The following CCNG1 variants were observed in gnomAD, a reference collection of about 807,000 sequenced individuals.
CCNG1 encodes cyclin-G1.
Under a neutral mutation model 30.0 loss-of-function variants are expected in CCNG1, and 13 were observed. That is an observed-to-expected ratio of 0.43 (90% confidence interval 0.28 to 0.69). The LOEUF is 0.69. Ranked by LOEUF, CCNG1 falls within the 30% of genes least tolerant of loss-of-function variation. The probability of loss-of-function intolerance (pLI) is 0.16; values close to 1 mark genes in which losing one functional copy is unlikely to be tolerated. For synonymous variants in CCNG1, 110 were observed against 121.5 expected (o/e 0.91, Z 0.62); for missense variants, 285 against 331.4 (o/e 0.86, Z 1.09).
At chr5:163,456,758 G>A in the CCNG1 span, among the ~76,000 whole-genome samples, 967 of 152,138 alleles carry the variant, frequency 6.4e-3, 10 homozygotes, top group African/African-American at 0.022. Flanking sequence ...AAAATCTTCC[G>A]AAAAATCAAA....
rs2069352 is a variant in CCNG1 at position 163,441,899 on chromosome 5, A to C, written c.532A>C (p.Asn178His). The change falls in exon 4 of 7, where the codon AAT becomes CAT. Residue 178 changes from asparagine (N) to histidine (H), a missense_variant. Asn to His is a moderately conservative substitution (Grantham distance 68, BLOSUM62 1). Transcript: ENST00000340828. ...TTCTTTTTAAAGGAGAAATAGCATT[A>C]ATTTTGAAAGACTAGAAGCTCAACT... ...NLPLERRNSINFERLEAQLKA... is the reference protein window; with the variant it reads ...NLPLERRNSIHFERLEAQLKA... 1.0e-2 allele frequency: 15,909 copies of C among 1,596,944 alleles called. 85 individuals are homozygous for C. The highest frequency in any genetic ancestry group is 0.012 in the Non-Finnish European group (13,661 of 1,164,966).
intron 2 of CCNG1, among the ~76,000 whole-genome samples, chr5:163,440,807 G>C (rs1757775894): frequency 1.3e-5 from 2 of 152,116 alleles, no homozygotes; most frequent in South Asian, 4.1e-4. Flanking sequence ...TAGTTCTACA[G>C]TGATTAATAA....
At chr5:163,453,559 G>C in the CCNG1 span, 1 of 152,750 alleles carries the variant, frequency 6.5e-6, no homozygotes, top group Non-Finnish European at 1.5e-5. Context: ...GTTATACTTA[G>C]ACAAAGGGGT....
At position 163,439,398 on chromosome 5, in the gene CCNG1, A is replaced by G. The variant is rs1581165643; in HGVS notation, c.142A>G (p.Thr48Ala). ...ESAHDNGLRM[T>A]ARLRDFEVKD... ...TGCACACGATAATGGCCTCAGAATG[A>G]CTGCAAGACTAAGGGACTTTGAAGT... Residue 48 changes from threonine (T) to alanine (A), a missense_variant, in exon 2 of 7, where the codon ACT (threonine) becomes GCT (alanine). Thr to Ala is a moderately conservative substitution (Grantham distance 58, BLOSUM62 0). Coordinates refer to ENST00000340828, the MANE Select transcript of CCNG1 (RefSeq NM_004060.4). 1.2e-6 allele frequency: 2 copies of G among 1,614,204 alleles called. No homozygotes were observed. The highest frequency in any genetic ancestry group is 1.7e-6 in the Non-Finnish European group (2 of 1,180,026).
the CCNG1 span, among the ~76,000 whole-genome samples, chr5:163,456,523 T>C: frequency 1.3e-5 from 2 of 152,084 alleles, no homozygotes; most frequent in Non-Finnish European, 2.9e-5. Context: ...TGATCCTCCA[T>C]TTATGCTAAA....
At chr5:163,442,682 A>G in intron 6 of CCNG1, 114 bp downstream of exon 6, 2 of 808,070 alleles carry the variant, frequency 2.5e-6, no homozygotes, top group Non-Finnish European at 2.0e-6. Flanking sequence ...GGAATAGTAA[A>G]GGGGGAGATG....
chr5:163,440,167 T>C (rs1246976084), intron 2 of CCNG1, among the ~76,000 whole-genome samples: 1 of 152,124 alleles, frequency 6.6e-6, no homozygotes, highest in Non-Finnish European at 1.5e-5. Context: ...ACTCATATTT[T>C]AGTCCTCGGT....
the CCNG1 span, chr5:163,457,505 GA>G: frequency 9.8e-7 from 1 of 1,024,920 alleles, no homozygotes. Context: ...TACAAAAGAG[GA>G]AAAGATATCA....
rs545261408 is a variant in CCNG1, at chr5:163,444,485, A to G, written c.*815A>G. The G allele has an allele frequency of 2.6e-5, 4 of 152,752 alleles. No individual in the cohort carries two copies. Among genetic ancestry groups the G allele is most frequent in the Admixed American group, 2.6e-4 (4 of 15,306 alleles). 9.5% of individuals were successfully genotyped at this position (152,752 alleles called of 1,614,324 possible). ...AAACTTGCTTTCCCACACTAAGGTAAGTTCAGACTAGATTGAACACTCCAG... is the reference window on the plus strand; with the variant it reads ...AAACTTGCTTTCCCACACTAAGGTAGGTTCAGACTAGATTGAACACTCCAG... On this transcript the variant is annotated 3_prime_UTR_variant, in exon 7 of 7. Transcript: ENST00000340828.
At chr5:163,454,852 A>G in the CCNG1 span, among the ~76,000 whole-genome samples, 1 of 151,394 alleles carries the variant, frequency 6.6e-6, no homozygotes, top group African/African-American at 2.5e-5. Flanking sequence ...AGAGTGAAAA[A>G]AAACAAAAAT....
chr5:163,447,347 A>C (rs1758061150), downstream of CCNG1: 1 of 151,576 alleles, frequency 6.6e-6, no homozygotes, highest in South Asian at 2.1e-4. Context: ...GGTACTGAGG[A>C]GCCTGAGGTG....
At chr5:163,454,458 A>G in the CCNG1 span, among the ~76,000 whole-genome samples, 889 of 152,036 alleles carry the variant, frequency 5.8e-3, 11 homozygotes, top group African/African-American at 0.019. Flanking sequence ...TCTCCTGCCT[A>G]AGCCTCCCGA....
At chr5:163,446,518 A>C (rs1409879976), downstream of CCNG1, 1 of 152,234 alleles carries the variant, frequency 6.6e-6, no homozygotes, top group Admixed American at 6.5e-5. Context: ...AATTGGACTC[A>C]AGTGAAATTG....
At chr5:163,439,899 T>C (rs1224943862) in intron 2 of CCNG1, among the ~76,000 whole-genome samples, 1 of 152,130 alleles carries the variant, frequency 6.6e-6, no homozygotes, top group Non-Finnish European at 1.5e-5. Context: ...TTAAGATATA[T>C]TTGTTAATCA....
At chr5:163,452,201 G>A in the CCNG1 span, 1 of 152,166 alleles carries the variant, frequency 6.6e-6, no homozygotes, top group Non-Finnish European at 1.5e-5. Context: ...AATATACATA[G>A]ATGCAGAAAT....
chr5:163,457,139 G>GC, the CCNG1 span: 1 of 1,208,818 alleles, frequency 8.3e-7, no homozygotes, highest in Admixed American at 2.9e-5. Flanking sequence ...TCATCAAGTT[G>GC]TTTTTTTTTT....
chr5:163,457,082 T>TAAA, the CCNG1 span: 1 of 1,404,934 alleles, frequency 7.1e-7, no homozygotes, highest in Non-Finnish European at 9.6e-7. Context: ...TTCTGTCCTC[T>TAAA]AAAAAAAAAA....
In CCNG1 at chr5:163,441,981, GA is replaced by G; in HGVS notation, c.597+18del. On this transcript the variant is annotated intron_variant, in intron 4 of 6. Transcript: ENST00000340828. Reference sequence around the variant, plus strand: ...AAAGCAAAGGTAAATATTTTATAAAGATTATGCCTATTGATATGATCTGTTT... The same window carrying G: ...AAAGCAAAGGTAAATATTTTATAAAGTTATGCCTATTGATATGATCTGTTT... 1 of 1,589,324 alleles carries G rather than the reference GA, an allele frequency of 6.3e-7. No individual in the cohort carries two copies. Among genetic ancestry groups the G allele is most frequent in the Non-Finnish European group, 8.6e-7 (1 of 1,158,156 alleles).
downstream of CCNG1, among the ~76,000 whole-genome samples, chr5:163,445,696 G>A (rs572070772): frequency 6.9e-6 from 1 of 144,898 alleles, no homozygotes; most frequent in African/African-American, 2.6e-5. Flanking sequence ...GGGCTCAAGT[G>A]ATCTGCCCAC....
Sources: gnomAD v4.1 joint callset for allele counts (sites outside exome capture counted in the v4.1 genomes callset) on GRCh38, gnomAD v4.1.1 for gene constraint, MANE v1.5 for transcripts, NCBI Gene and HGNC (gene_info 2026-07-23, HGNC 2026-07-21) for gene names.